Variants in PTPRD observed in about 807,000 individuals in gnomAD.
PTPRD encodes the protein protein tyrosine phosphatase receptor type D.
PTPRD carries 34 observed loss-of-function variants against 214.5 expected under a neutral mutation model. The observed-to-expected ratio is 0.16, with a 90% CI of 0.12 to 0.21. The LOEUF is 0.21. Among genes scored for constraint, PTPRD ranks in the 10% least tolerant of loss-of-function variants. The pLI, the probability that PTPRD is intolerant of heterozygous loss-of-function variation, is 1.00. For missense variants in PTPRD, 2,545 were observed against 2,398.7 expected, an observed-to-expected ratio of 1.06 and a Z score of -1.27; for synonymous variants, 1,128 against 845.7, an observed-to-expected ratio of 1.33 and a Z score of -5.79.
chr9:10,548,348 T>C (rs970418283), intron 2 of PTPRD, among the ~76,000 whole-genome samples: 1 of 152,116 alleles, frequency 6.6e-6, no homozygotes, highest in African/African-American at 2.4e-5. Flanking sequence ...AAGGAGATAC[T>C]CTCTGCCACC....
intron 14 of PTPRD, among the ~76,000 whole-genome samples, chr9:8,584,452 GA>G (rs72547113): frequency 0.066 from 9,599 of 145,272 alleles, 1,011 homozygotes; most frequent in African/African-American, 0.23. Flanking sequence ...ATTAGTTACT[GA>G]AAAAAAAAAA....
chr9:9,603,166 T>A (rs2093903596), intron 7 of PTPRD, among the ~76,000 whole-genome samples: 1 of 152,110 alleles, frequency 6.6e-6, no homozygotes, highest in African/African-American at 2.4e-5. Context: ...TAGATAGGGT[T>A]CTTCTGAAAG....
intron 4 of PTPRD, among the ~76,000 whole-genome samples, chr9:9,939,574 C>A (rs1000004128): frequency 6.6e-6 from 1 of 152,184 alleles, no homozygotes; most frequent in Non-Finnish European, 1.5e-5. Context: ...CTTGATCTAA[C>A]TGCCAGAGTA....
At chr9:8,822,444 C>A (rs530480763) in intron 11 of PTPRD, among the ~76,000 whole-genome samples, 2 of 152,146 alleles carry the variant, frequency 1.3e-5, no homozygotes, top group Admixed American at 6.5e-5. Context: ...CACAGCCAGG[C>A]GCTCACTACA....
At chr9:8,604,409 C>T (rs2095073760) in intron 14 of PTPRD, among the ~76,000 whole-genome samples, 1 of 152,082 alleles carries the variant, frequency 6.6e-6, no homozygotes, top group Admixed American at 6.6e-5. Context: ...CTTACTAAGG[C>T]AGAGAAATAC....
At chr9:8,902,008 G>A (rs2098672696) in intron 11 of PTPRD, among the ~76,000 whole-genome samples, 1 of 152,178 alleles carries the variant, frequency 6.6e-6, no homozygotes, top group African/African-American at 2.4e-5. Flanking sequence ...TTCAGATAGA[G>A]TGTTCCAGTC....
At chr9:9,567,159 T>A (rs1202724059) in intron 8 of PTPRD, among the ~76,000 whole-genome samples, 1 of 151,914 alleles carries the variant, frequency 6.6e-6, no homozygotes, top group Non-Finnish European at 1.5e-5. Flanking sequence ...GAGCTGAAAT[T>A]TGAAGGAATG....
chr9:9,624,329 C>T lies in PTPRD; in HGVS notation c.-286-49548G>A, dbSNP rs545227979. Among the ~76,000 whole-genome samples, 109 of 152,118 alleles carry T rather than the reference C, an allele frequency of 7.2e-4. 5 individuals are homozygous for T. The South Asian group carries it at 0.022, about 30-fold the overall frequency. ...ACAGAGTCTCACTCTGTCACCCAGG[C>T]TGGAGTACAGTGGCATGATCTCAGC... On this transcript the variant is annotated intron_variant, in intron 7 of 45. Transcript: ENST00000381196.
intron 2 of PTPRD, among the ~76,000 whole-genome samples, chr9:10,559,082 G>A (rs1199905176): frequency 6.6e-6 from 1 of 152,064 alleles, no homozygotes; most frequent in Non-Finnish European, 1.5e-5. Context: ...AAAAACAAAT[G>A]TAATATGAGT....
intron 3 of PTPRD, among the ~76,000 whole-genome samples, chr9:10,123,781 G>C (rs2098794833): frequency 6.6e-6 from 1 of 152,138 alleles, no homozygotes; most frequent in African/African-American, 2.4e-5. Flanking sequence ...CTGCATTATT[G>C]CCAGTACTGT....
intron 4 of PTPRD, among the ~76,000 whole-genome samples, 193 bp from the exon 5 acceptor site, chr9:9,938,803 G>A (rs1447633698): frequency 6.6e-6 from 1 of 151,962 alleles, no homozygotes; most frequent in South Asian, 2.1e-4. Context: ...AAGTCAAAGG[G>A]ACCATCTATA....
rs561305110 is a variant in PTPRD, at chr9:9,909,613, G to A, written c.-368+28894C>T. Among the ~76,000 whole-genome samples, 96 of 151,932 alleles carry A rather than the reference G, an allele frequency of 6.3e-4. 1 individual carries two copies. Among genetic ancestry groups the A allele is most frequent in the African/African-American group, 2.1e-3 (88 of 41,498 alleles). On this transcript the variant is annotated intron_variant, in intron 5 of 45. Coordinates refer to ENST00000381196, the MANE Select transcript of PTPRD (RefSeq NM_002839.4). ...TAAAATATGGGGCAGTTTAATTGGT[G>A]TAAATATGTCAAAATGTAAAATTAC...
At chr9:9,370,195 T>C (rs200381927) in intron 9 of PTPRD, among the ~76,000 whole-genome samples, 14 of 152,140 alleles carry the variant, frequency 9.2e-5, no homozygotes, top group African/African-American at 2.2e-4. Context: ...TATAAATTAC[T>C]TTGGGCAGTA....
At chr9:10,071,048 A>C (rs541605878) in intron 3 of PTPRD, among the ~76,000 whole-genome samples, 17 of 152,224 alleles carry the variant, frequency 1.1e-4, no homozygotes, top group African/African-American at 4.1e-4. Context: ...CGTGGTATAA[A>C]TTTAACAAAT....
chr9:10,028,285 T>C (rs973648061), intron 4 of PTPRD, among the ~76,000 whole-genome samples: 1 of 152,202 alleles, frequency 6.6e-6, no homozygotes, highest in Non-Finnish European at 1.5e-5. Flanking sequence ...TTTTCTTTTG[T>C]AAATTGCTCA....
intron 9 of PTPRD, among the ~76,000 whole-genome samples, chr9:9,387,230 A>G (rs1273170542): frequency 6.6e-6 from 1 of 152,166 alleles, no homozygotes; most frequent in Non-Finnish European, 1.5e-5. Flanking sequence ...AGAGAAATAA[A>G]TGTTTTATCC....
At chr9:8,634,016 T>C (rs1455351853) in intron 13 of PTPRD, among the ~76,000 whole-genome samples, 1 of 151,972 alleles carries the variant, frequency 6.6e-6, no homozygotes, top group Non-Finnish European at 1.5e-5. Flanking sequence ...AAAAGCCTGA[T>C]GGTGTGCATT....
intron 8 of PTPRD, among the ~76,000 whole-genome samples, chr9:9,465,762 C>T (rs2094099263): frequency 6.6e-6 from 1 of 151,968 alleles, no homozygotes; most frequent in African/African-American, 2.4e-5. Flanking sequence ...TTGCTGGTGA[C>T]AGTATTGTTA....
At chr9:10,282,516 T>C (rs1293381880) in intron 3 of PTPRD, among the ~76,000 whole-genome samples, 3 of 152,164 alleles carry the variant, frequency 2.0e-5, no homozygotes, top group Non-Finnish European at 2.9e-5. Context: ...TATTCTAAAC[T>C]GCTGCTCTAA....
Sources: allele counts gnomAD v4.1 joint callset (sites outside exome capture counted in the v4.1 genomes callset), GRCh38; gene constraint gnomAD v4.1.1; transcripts MANE v1.5; gene names NCBI Gene and HGNC (gene_info 2026-07-23, HGNC 2026-07-21).